The following ASDURF variants were observed in gnomAD, a reference collection of about 807,000 sequenced individuals.
ASDURF encodes the protein ASDURF protein.
A neutral mutation model predicts 3.3 loss-of-function variants in ASDURF; 3 were observed. The ratio of observed to expected loss-of-function variants is 0.92; its 90% CI spans 0.42 to 2.37. The LOEUF is 2.37. Among genes scored for constraint, ASDURF ranks in the 30% most tolerant of loss-of-function variants. The pLI, the probability that ASDURF is intolerant of heterozygous loss-of-function variation, is 0.05. For synonymous variants in ASDURF, 11 were observed against 8.3 expected, an observed-to-expected ratio of 1.32 and a Z score of -0.55; for missense variants, 23 against 25.4, an observed-to-expected ratio of 0.90 and a Z score of 0.21.
chr2:189,662,131 T>C (rs1370592648), intron 1 of ASDURF, among the ~76,000 whole-genome samples: 1 of 152,216 alleles, frequency 6.6e-6, no homozygotes, highest in African/African-American at 2.4e-5. Context: ...CGGTCTCTCC[T>C]CATCCACCTG....
At position 189,665,644 on chromosome 2, in the gene ASDURF, A is replaced by ATATATATATATATATATATATATATATG. The variant is rs1455945789; in HGVS notation, c.220+196_220+197insATATATATATATATATATATATATGTAT. ...TATATATATATATATATATATATAT[A>ATATATATATATATATATATATATATATG]TATTATAAATGTTTTAGAAAGCAAT... On this transcript the variant is annotated intron_variant, in intron 3 of 3. Coordinates refer to ENST00000607829, the MANE Select transcript of ASDURF (RefSeq NM_001353493.2). Among the ~76,000 whole-genome samples, 73 of 123,722 alleles carry ATATATATATATATATATATATATATATG rather than the reference A, an allele frequency of 5.9e-4. 1 individual carries two copies. Among genetic ancestry groups the ATATATATATATATATATATATATATATG allele is most frequent in the South Asian group, 1.2e-3 (5 of 4,234 alleles). The allele number at this position is 123,722 out of a possible 152,430, so 81.2% of individuals were successfully genotyped here. A position where few individuals can be genotyped will look rare whatever the true frequency, so the allele number is the denominator to read the frequency against.
At chr2:189,665,517 A>G (rs1454509561) in intron 3 of ASDURF, 66 bp downstream of exon 3, 3 of 381,406 alleles carry the variant, frequency 7.9e-6, no homozygotes, top group Non-Finnish European at 1.4e-5. Context: ...GTGTTAAAAT[A>G]TATATCTAAA....
At position 189,666,216 on chromosome 2, in the gene ASDURF, ACAG is replaced by A; in HGVS notation, c.*107_*109del. The A allele has an allele frequency of 6.2e-7, 1 of 1,613,538 alleles. No homozygotes were observed. The highest frequency in any genetic ancestry group is 1.3e-5 in the African/African-American group (1 of 75,050). On this transcript the variant is annotated 3_prime_UTR_variant, in exon 4 of 4. Coordinates refer to ENST00000607829, the MANE Select transcript of ASDURF (RefSeq NM_001353493.2). ...AAGAGGACTTACTATATAATCTTAAACAGCGGGGACCCAATAGTAGTAAACAAT... is the reference window on the plus strand; with the variant it reads ...AAGAGGACTTACTATATAATCTTAAACGGGGACCCAATAGTAGTAAACAAT...
Position 189,661,493 on chromosome 2 carries a change from C to T in ASDURF, c.-28C>T, listed in dbSNP as rs1008812440. On this transcript the variant is annotated 5_prime_UTR_variant, in exon 1 of 4. Transcript: ENST00000607829. ...GCCGTAGGCTCCTTCAGGGCTGAGC[C>T]ATCCCGCGTGTCTTGCGCTCGGTGG... 2.5e-6 allele frequency: 1 copy of T among 399,268 alleles called. No homozygotes were observed. The highest frequency in any genetic ancestry group is 4.4e-5 in the Admixed American group (1 of 22,736). The allele number at this position is 399,268 out of a possible 1,614,324, so 24.7% of individuals were successfully genotyped here. A position where few individuals can be genotyped will look rare whatever the true frequency, so the allele number is the denominator to read the frequency against.
chr2:189,663,649 C>G (rs2032723835), intron 1 of ASDURF, among the ~76,000 whole-genome samples: 1 of 152,206 alleles, frequency 6.6e-6, no homozygotes, highest in African/African-American at 2.4e-5. Context: ...AAATCCCTGT[C>G]TGGTCTTAAT....
Position 189,661,500 on chromosome 2 carries a change from C to A in ASDURF, c.-21C>A. The A allele has an allele frequency of 2.5e-6, 1 of 399,214 alleles. No individual in the cohort carries two copies. Among genetic ancestry groups the A allele is most frequent in the Non-Finnish European group, 4.4e-6 (1 of 226,186 alleles). 24.7% of individuals were successfully genotyped at this position (399,214 alleles called of 1,614,324 possible). A position where few individuals can be genotyped will look rare whatever the true frequency, so the allele number is the denominator to read the frequency against. ...GCTCCTTCAGGGCTGAGCCATCCCG[C>A]GTGTCTTGCGCTCGGTGGAAATGCC... On this transcript the variant is annotated 5_prime_UTR_variant, in exon 1 of 4. Transcript: ENST00000607829.
At position 189,666,300 on chromosome 2, in the gene ASDURF, G is replaced by C. The variant is rs1272514522; in HGVS notation, c.*189G>C. Reference sequence around the variant, plus strand: ...TATTTTCTGCTCACGTCCTACACTTGAGGGGTGTTTTGACTACCCAGCCTG... The same window carrying C: ...TATTTTCTGCTCACGTCCTACACTTCAGGGGTGTTTTGACTACCCAGCCTG... On this transcript the variant is annotated 3_prime_UTR_variant, in exon 4 of 4. Coordinates refer to ENST00000607829, the MANE Select transcript of ASDURF (RefSeq NM_001353493.2). 12 of 1,613,924 alleles carry C rather than the reference G, an allele frequency of 7.4e-6. No individual in the cohort carries two copies. The highest frequency in any genetic ancestry group is 2.2e-5 in the East Asian group (1 of 44,894).
At chr2:189,663,031 A>G (rs2105681769) in intron 1 of ASDURF, among the ~76,000 whole-genome samples, 1 of 152,012 alleles carries the variant, frequency 6.6e-6, no homozygotes, top group Non-Finnish European at 1.5e-5. Flanking sequence ...AAAAATACCA[A>G]GATGGAACAT....
At chr2:189,662,038 A>G (rs1479180403) in intron 1 of ASDURF, among the ~76,000 whole-genome samples, 2 of 152,078 alleles carry the variant, frequency 1.3e-5, no homozygotes, top group Admixed American at 6.5e-5. Context: ...ATGTCCCTTT[A>G]TCACCGTGAA....
intron 1 of ASDURF, among the ~76,000 whole-genome samples, chr2:189,663,530 G>A (rs150724695): frequency 0.019 from 2,821 of 152,308 alleles, 84 homozygotes; most frequent in African/African-American, 0.064. Flanking sequence ...TGGGATTACA[G>A]GCATGAGCCA....
At chr2:189,663,179 C>T (rs1308148985) in intron 1 of ASDURF, among the ~76,000 whole-genome samples, 1 of 151,234 alleles carries the variant, frequency 6.6e-6, no homozygotes, top group Non-Finnish European at 1.5e-5. Context: ...ATCTAAATCA[C>T]AACTTAATTT....
Position 189,666,203 on chromosome 2 carries a change from T to C in ASDURF, c.*92T>C. ...AGTCAAGATTTAAAAGAGGACTTACTATATAATCTTAAACAGCGGGGACCC... is the reference window on the plus strand; with the variant it reads ...AGTCAAGATTTAAAAGAGGACTTACCATATAATCTTAAACAGCGGGGACCC... On this transcript the variant is annotated 3_prime_UTR_variant, in exon 4 of 4. Transcript: ENST00000607829. 1.9e-6 allele frequency: 3 copies of C among 1,611,690 alleles called. No homozygotes were observed. The highest frequency in any genetic ancestry group is 1.7e-6 in the Non-Finnish European group (2 of 1,179,332).
chr2:189,665,217 T>C (rs926540944), intron 2 of ASDURF, 159 bp from the exon 3 acceptor site: 4 of 365,950 alleles, frequency 1.1e-5, no homozygotes, highest in Non-Finnish European at 1.5e-5. Context: ...TTTCTGGTAG[T>C]TGGGCAGTGG....
At chr2:189,661,980 C>T (rs189799041) in intron 1 of ASDURF, among the ~76,000 whole-genome samples, 201 of 152,296 alleles carry the variant, frequency 1.3e-3, no homozygotes, top group Non-Finnish European at 2.2e-3. Context: ...CATCCTTGAC[C>T]CCCATCATGG....
chr2:189,666,040 G>T lies in ASDURF; in HGVS notation c.221-1G>T. 3 of 1,331,860 alleles carry T rather than the reference G, an allele frequency of 2.3e-6. No individual in the cohort carries two copies. The highest frequency in any genetic ancestry group is 3.0e-6 in the Non-Finnish European group (3 of 983,806). The allele number at this position is 1,331,860 out of a possible 1,614,324, so 82.5% of individuals were successfully genotyped here. On this transcript the variant is annotated splice_acceptor_variant, in intron 3 of 3. Transcript: ENST00000607829. LOFTEE classifies it high-confidence loss of function. ...ATATTTATTCTCCTTCCCTGCAACA[G>T]ATATATTGGATGAACTGAAAAAAGA... is the stretch of plus-strand genomic sequence containing the variant.
In ASDURF at chr2:189,666,257, A is replaced by T. The variant is rs146886286; in HGVS notation, c.*146A>T. 6.2e-7 allele frequency: 1 copy of T among 1,614,164 alleles called. No homozygotes were observed. Among genetic ancestry groups the T allele is most frequent in the Admixed American group, 1.7e-5 (1 of 60,018 alleles). On this transcript the variant is annotated 3_prime_UTR_variant, in exon 4 of 4. Coordinates refer to ENST00000607829, the MANE Select transcript of ASDURF (RefSeq NM_001353493.2). ...AGTAGTAAACAATTGTTAAAGTCTG[A>T]TGTTAACTACCAGTGTTTATTTTCT...
At position 189,663,910 on chromosome 2, in the gene ASDURF, C is replaced by T; in HGVS notation, c.100C>T (p.Gln34Ter). Residue 34 changes from glutamine (Q) to a stop codon, truncating the protein, a stop_gained, in exon 2 of 4, where the codon CAA becomes TAA. Transcript: ENST00000607829. LOFTEE classifies it high-confidence loss of function. ...KEDLSSKIKE[Q>*]KIVVDELSNL... ...TTCTTTATTTCAATAGATTAAAGAA[C>T]AAAAAATTGTGGTGGATGAACTTTC... 1 of 387,862 alleles carries T rather than the reference C, an allele frequency of 2.6e-6. No homozygotes were observed. The highest frequency in any genetic ancestry group is 4.6e-6 in the Non-Finnish European group (1 of 218,436). 24.0% of individuals were successfully genotyped at this position (387,862 alleles called of 1,614,324 possible).
chr2:189,666,186 T>A lies in ASDURF; in HGVS notation c.*75T>A. ...TTTCTGCTGAGCATTTCAGTCAAGA[T>A]TTAAAAGAGGACTTACTATATAATC... On this transcript the variant is annotated 3_prime_UTR_variant, in exon 4 of 4. Transcript: ENST00000607829. The A allele has an allele frequency of 2.5e-6, 4 of 1,606,320 alleles. No homozygotes were observed. The highest frequency in any genetic ancestry group is 3.4e-6 in the Non-Finnish European group (4 of 1,177,276).
At position 189,661,599 on chromosome 2, in the gene ASDURF, C is replaced by CCTCCT; in HGVS notation, c.79_80insCTCCT (p.Leu27ProfsTer3). On this transcript the variant is annotated frameshift_variant, in exon 1 of 4. Transcript: ENST00000607829. LOFTEE classifies it high-confidence loss of function. ...CAATTCGACCCCACACAAGGAGGATCTAAGCAGCAAGGTGAGTGTGAGACG... is the reference window on the plus strand; with the variant it reads ...CAATTCGACCCCACACAAGGAGGATCCTCCTTAAGCAGCAAGGTGAGTGTGAGACG... 2.5e-6 allele frequency: 1 copy of CCTCCT among 399,272 alleles called. No individual in the cohort carries two copies. Among genetic ancestry groups the CCTCCT allele is most frequent in the Non-Finnish European group, 4.4e-6 (1 of 226,340 alleles). 24.7% of individuals were successfully genotyped at this position (399,272 alleles called of 1,614,324 possible). A position where few individuals can be genotyped will look rare whatever the true frequency, so the allele number is the denominator to read the frequency against.
Sources: gnomAD v4.1 joint callset for allele counts (sites outside exome capture counted in the v4.1 genomes callset) on GRCh38, gnomAD v4.1.1 for gene constraint, MANE v1.5 for transcripts, NCBI Gene and HGNC (gene_info 2026-07-23, HGNC 2026-07-21) for gene names.